PSMC6: variants seen among roughly 807,000 people sequenced by gnomAD.
PSMC6 encodes proteasome 26S subunit, ATPase 6.
PSMC6 carries 3 observed loss-of-function variants against 55.9 expected under a neutral mutation model. The ratio of observed to expected loss-of-function variants is 0.05; its 90% CI spans 0.02 to 0.14. PSMC6 has a LOEUF of 0.14. Among genes scored for constraint, PSMC6 ranks in the 10% least tolerant of loss-of-function variants. PSMC6 has a pLI of 1.00. For synonymous variants in PSMC6, 137 were observed against 155.9 expected (o/e 0.88, Z 0.90); for missense variants, 210 against 478.7 (o/e 0.44, Z 5.24).
At position 52,719,166 on chromosome 14, in the gene PSMC6, A is replaced by G. The variant is rs2041862589; in HGVS notation, c.777+128A>G. 8.0e-6 allele frequency: 7 copies of G among 875,462 alleles called. No homozygotes were observed. In the South Asian group the frequency reaches 1.1e-4, roughly 13 times the overall value. 54.2% of individuals were successfully genotyped at this position (875,462 alleles called of 1,614,324 possible). On this transcript the variant is annotated intron_variant, in intron 10 of 13. Transcript: ENST00000445930. ...AAATATGAAATTTGAAAATATTGTC[A>G]GGAACAAACATGTTTCTCTATCACA...
intron 10 of PSMC6, among the ~76,000 whole-genome samples, chr14:52,720,062 A>C (rs1415681323): frequency 6.6e-6 from 1 of 151,956 alleles, no homozygotes; most frequent in Non-Finnish European, 1.5e-5. Flanking sequence ...ATCTCTAGTA[A>C]AGATACAAAA....
chr14:52,708,302 A>G lies in PSMC6; in HGVS notation c.86-7A>G, dbSNP rs924919047. ...CAATTAAAAATGTTCAAATTGTATTATTTCAGTAAGGGAACAATTAAAAGA... is the reference window on the plus strand; with the variant it reads ...CAATTAAAAATGTTCAAATTGTATTGTTTCAGTAAGGGAACAATTAAAAGA... On this transcript the variant is annotated splice_region_variant and splice_polypyrimidine_tract_variant and intron_variant, in intron 1 of 13. Transcript: ENST00000445930. The G allele has an allele frequency of 1.9e-6, 3 of 1,595,536 alleles. 1 individual carries two copies. The African/African-American group carries it at 4.0e-5, about 21-fold the overall frequency.
chr14:52,712,636 C>G (rs1453398673), intron 6 of PSMC6, among the ~76,000 whole-genome samples: 1 of 150,304 alleles, frequency 6.7e-6, no homozygotes, highest in Non-Finnish European at 1.5e-5. Flanking sequence ...TTTTTTTTTT[C>G]TTTTGAGACA....
At chr14:52,724,768 G>A (rs1263655202) in intron 13 of PSMC6, among the ~76,000 whole-genome samples, 1 of 152,032 alleles carries the variant, frequency 6.6e-6, no homozygotes, top group Non-Finnish European at 1.5e-5. Context: ...GAATCATTTA[G>A]TTTTTGTCTT....
Position 52,714,826 on chromosome 14 carries a change from A to G in PSMC6, c.529+858A>G, listed in dbSNP as rs1040146174. 2.0e-4 allele frequency among the ~76,000 whole-genome samples: 28 copies of G among 140,510 alleles called. 1 individual carries two copies. The South Asian group carries it at 5.2e-3, about 26-fold the overall frequency. 92.2% of individuals were successfully genotyped at this position (140,510 alleles called of 152,430 possible). On this transcript the variant is annotated intron_variant, in intron 7 of 13. Transcript: ENST00000445930. ...GGTTGCAGTGAGCCGAGATTGCCCC[A>G]CTGCACTCCAGCCTGGCTGACAGAG...
chr14:52,726,426 A>G (rs1880413726), intron 13 of PSMC6, among the ~76,000 whole-genome samples: 1 of 152,180 alleles, frequency 6.6e-6, no homozygotes, highest in African/African-American at 2.4e-5. Flanking sequence ...ATGATTCCCT[A>G]TTCTCAACGT....
intron 6 of PSMC6, 49 bp from the exon 7 acceptor site, chr14:52,713,832 A>C: frequency 8.1e-7 from 1 of 1,240,308 alleles, no homozygotes; most frequent in Non-Finnish European, 1.2e-6. Context: ...TTGAAAGTAC[A>C]TTAAAAATCT....
At chr14:52,718,605 G>T (rs574295911) in intron 9 of PSMC6, 1 of 414,916 alleles carries the variant, frequency 2.4e-6, no homozygotes, top group African/African-American at 2.0e-5. Context: ...GGCCAACATG[G>T]TGAAACCCTG....
rs1166929759 is a variant in PSMC6 at position 52,727,645 on chromosome 14, T to C, written c.*28T>C. 6.9e-7 allele frequency: 1 copy of C among 1,440,960 alleles called. No individual in the cohort carries two copies. The highest frequency in any genetic ancestry group is 1.7e-5 in the Admixed American group (1 of 58,428). The allele number at this position is 1,440,960 out of a possible 1,614,324, so 89.3% of individuals were successfully genotyped here. On this transcript the variant is annotated 3_prime_UTR_variant, in exon 14 of 14. Transcript: ENST00000445930. ...TACTGTAAGATTTTTGATGGCTGCA[T>C]GACAGATGTTGGCTTATTGTAAAAA...
intron 13 of PSMC6, among the ~76,000 whole-genome samples, chr14:52,725,747 C>G (rs530797473): frequency 2.0e-5 from 3 of 152,258 alleles, no homozygotes; most frequent in African/African-American, 7.2e-5. Flanking sequence ...ATTCCTGGGC[C>G]CAAGTAATCC....
chr14:52,724,101 A>C (rs1880310575), intron 13 of PSMC6, 65 bp downstream of exon 13: 1 of 1,449,954 alleles, frequency 6.9e-7, no homozygotes, highest in Non-Finnish European at 9.6e-7. Context: ...AACTGTTTTG[A>C]GTTTATCTGA....
intron 12 of PSMC6, chr14:52,721,444 A>G: frequency 2.8e-6 from 1 of 359,962 alleles, no homozygotes; most frequent in South Asian, 6.0e-5. Context: ...TTAGGAAAAA[A>G]CAGATAAAGT....
intron 13 of PSMC6, among the ~76,000 whole-genome samples, chr14:52,724,573 T>G (rs148727007): frequency 6.6e-6 from 1 of 152,260 alleles, no homozygotes; most frequent in African/African-American, 2.4e-5. Flanking sequence ...AATACTAGTC[T>G]GTGAGCAGTG....
At chr14:52,717,025 A>G (rs2041836851) in intron 7 of PSMC6, among the ~76,000 whole-genome samples, 1 of 152,230 alleles carries the variant, frequency 6.6e-6, no homozygotes, top group Non-Finnish European at 1.5e-5. Flanking sequence ...CAAAGGATAT[A>G]AAGTTCACTT....
At chr14:52,718,715 G>A in intron 9 of PSMC6, 1 of 421,394 alleles carries the variant, frequency 2.4e-6, no homozygotes, top group East Asian at 4.4e-5. Flanking sequence ...GAACCCAGGA[G>A]ACGTAGGTTG....
intron 4 of PSMC6, chr14:52,709,488 A>AT: frequency 2.5e-6 from 1 of 401,792 alleles, no homozygotes; most frequent in South Asian, 1.8e-5. Context: ...TCCTATTAGG[A>AT]TTTTGCCTAG....
chr14:52,722,637 A>C (rs1364988224), intron 12 of PSMC6: 1 of 152,142 alleles, frequency 6.6e-6, no homozygotes, highest in African/African-American at 2.4e-5. Context: ...GTTCTTAGAG[A>C]TTTGAGGACA....
chr14:52,718,650 G>A (rs1034075082), intron 9 of PSMC6: 10 of 383,920 alleles, frequency 2.6e-5, no homozygotes, highest in African/African-American at 1.8e-4. Context: ...GCTGGATGTG[G>A]TGGCACATGC....
intron 12 of PSMC6, chr14:52,721,473 T>G (rs962386974): frequency 1.1e-5 from 3 of 271,824 alleles, no homozygotes; most frequent in South Asian, 1.5e-4. Flanking sequence ...CAAAGTATAA[T>G]AGATGATGAT....
Sources: allele counts gnomAD v4.1 joint callset (sites outside exome capture counted in the v4.1 genomes callset), GRCh38; gene constraint gnomAD v4.1.1; transcripts MANE v1.5; gene names NCBI Gene and HGNC (gene_info 2026-07-23, HGNC 2026-07-21).